MLF1: variants seen among roughly 807,000 people sequenced by gnomAD.
MLF1 encodes myelodysplasia-myeloid leukemia factor 1.
MLF1 carries 37 observed loss-of-function variants against 38.3 expected under a neutral mutation model. The observed-to-expected ratio is 0.96, with a 90% CI of 0.74 to 1.27. The LOEUF (loss-of-function observed/expected upper bound fraction) is 1.27. Among genes scored for constraint, MLF1 ranks in the 50% most tolerant of loss-of-function variants. The pLI, the probability that MLF1 is intolerant of heterozygous loss-of-function variation, is 0.00. For missense variants in MLF1, 331 were observed against 349.2 expected, an observed-to-expected ratio of 0.95 and a Z score of 0.42; for synonymous variants, 95 against 106.5, an observed-to-expected ratio of 0.89 and a Z score of 0.66.
At chr3:158,576,534 C>G (rs1434493652) in intron 1 of MLF1, among the ~76,000 whole-genome samples, 7 of 152,090 alleles carry the variant, frequency 4.6e-5, no homozygotes, top group Non-Finnish European at 1.0e-4. Flanking sequence ...TGATACGAAA[C>G]AGGAACTGTG....
At chr3:158,592,719 G>C in intron 2 of MLF1, 138 bp downstream of exon 2, 2 of 706,904 alleles carry the variant, frequency 2.8e-6, no homozygotes, top group Non-Finnish European at 4.3e-6. Context: ...TAAAAGGGGG[G>C]ACCTTTGGAA....
chr3:158,592,767 A>G (rs369419713), intron 2 of MLF1, among the ~76,000 whole-genome samples, 186 bp downstream of exon 2: 4 of 152,286 alleles, frequency 2.6e-5, no homozygotes, highest in East Asian at 1.9e-4. Context: ...GCTATATGGA[A>G]TTTCACTGTG....
intron 1 of MLF1, among the ~76,000 whole-genome samples, chr3:158,578,665 G>C (rs1293282852): frequency 6.6e-6 from 1 of 152,058 alleles, no homozygotes; most frequent in East Asian, 1.9e-4. Flanking sequence ...AAATAATATA[G>C]AATAGAAAAA....
At chr3:158,577,084 A>G (rs948691913) in intron 1 of MLF1, among the ~76,000 whole-genome samples, 4 of 152,236 alleles carry the variant, frequency 2.6e-5, no homozygotes, top group Admixed American at 2.0e-4. Context: ...GCATATATTC[A>G]CAGGATGTTA....
chr3:158,575,964 A>G (rs1715358182), intron 1 of MLF1, among the ~76,000 whole-genome samples: 1 of 152,218 alleles, frequency 6.6e-6, no homozygotes, highest in Non-Finnish European at 1.5e-5. Flanking sequence ...ATATAAAAAT[A>G]GAATTACTAG....
rs1477261679 is a variant in MLF1, at chr3:158,596,903, G to A, written c.282G>A (p.Val94=). The change falls in exon 4 of 8, where the codon GTG becomes GTA. Residue 94 remains valine (V), a synonymous_variant. Transcript: ENST00000466246. The part of the protein sequence containing the change: ...VSSFQTMDQM[V]SNMRNYMQKL... ...CTTTCCAGACAATGGACCAAATGGT[G>A]TCAAATATGAGAAACTATATGCAGA... 3.1e-6 allele frequency: 5 copies of A among 1,609,832 alleles called. No homozygotes were observed. Among genetic ancestry groups the A allele is most frequent in the Admixed American group, 1.7e-5 (1 of 59,792 alleles).
chr3:158,580,848 G>T (rs1716235270), intron 1 of MLF1, among the ~76,000 whole-genome samples: 1 of 151,910 alleles, frequency 6.6e-6, no homozygotes, highest in South Asian at 2.1e-4. Context: ...CAGCTAAGGA[G>T]GCTGAGGTGG....
chr3:158,605,046 A>G (rs770738459), intron 7 of MLF1, 51 bp from the exon 8 acceptor site: 35 of 1,312,330 alleles, frequency 2.7e-5, no homozygotes, highest in Non-Finnish European at 3.8e-5. Context: ...TGATTTATAA[A>G]CCATTGGCCA....
At position 158,600,170 on chromosome 3, in the gene MLF1, G is replaced by A; in HGVS notation, c.610G>A (p.Glu204Lys). 4 of 1,420,404 alleles carry A rather than the reference G, an allele frequency of 2.8e-6. No homozygotes were observed. Among genetic ancestry groups the A allele is most frequent in the Non-Finnish European group, 3.7e-6 (4 of 1,082,098 alleles). The allele number at this position is 1,420,404 out of a possible 1,614,324, so 88.0% of individuals were successfully genotyped here. ...EVNQEFINMN[E>K]SDAHAFDEEW... ...CAACCAGGAGTTCATCAATATGAAT[G>A]AAAGTAAGTTATCACAAAAAAATAA... Residue 204 changes from glutamate (E) to lysine (K), a missense_variant, in exon 6 of 8, where the codon GAA (glutamate) becomes AAA (lysine). Transcript: ENST00000466246.
chr3:158,594,879 G>A (rs567971613), intron 3 of MLF1, among the ~76,000 whole-genome samples: 5 of 152,114 alleles, frequency 3.3e-5, no homozygotes, highest in Admixed American at 2.6e-4. Flanking sequence ...AGTTTTGGAT[G>A]TTTGGCATTT....
intron 6 of MLF1, among the ~76,000 whole-genome samples, chr3:158,601,425 G>A (rs1229129331): frequency 4.6e-5 from 7 of 152,006 alleles, no homozygotes; most frequent in South Asian, 2.1e-4. Context: ...AAAATTAGCC[G>A]GGCATGGTGG....
intron 1 of MLF1, among the ~76,000 whole-genome samples, chr3:158,588,557 C>A (rs1378081458): frequency 6.9e-6 from 1 of 145,736 alleles, no homozygotes. Flanking sequence ...GCCGAGATCG[C>A]GCCACTGCAC....
chr3:158,578,148 C>A (rs1313158624), intron 1 of MLF1, among the ~76,000 whole-genome samples: 1 of 152,070 alleles, frequency 6.6e-6, no homozygotes, highest in Non-Finnish European at 1.5e-5. Flanking sequence ...ATAGACCAGT[C>A]TACCTCATTG....
chr3:158,572,639 C>T (rs1342191145), intron 1 of MLF1, among the ~76,000 whole-genome samples: 4 of 58,764 alleles, frequency 6.8e-5, no homozygotes, highest in Non-Finnish European at 1.3e-4. Flanking sequence ...GGTAGTGGGA[C>T]GAGGGAGGGT....
chr3:158,588,612 A>C (rs868211920), intron 1 of MLF1, among the ~76,000 whole-genome samples: 30,626 of 131,092 alleles, frequency 0.23, 4,367 homozygotes, highest in African/African-American at 0.41. Context: ...AAAAAAAAAA[A>C]AAAAAAAAAA....
At chr3:158,586,814 T>C (rs1717316812) in intron 1 of MLF1, among the ~76,000 whole-genome samples, 1 of 152,096 alleles carries the variant, frequency 6.6e-6, no homozygotes, top group African/African-American at 2.4e-5. Flanking sequence ...AATGTGGAAA[T>C]AAGGTTTCAA....
chr3:158,605,795 T>G lies in MLF1; in HGVS notation c.*593T>G, dbSNP rs1720432379. ...TAGTTCATTTTCAGAGAAAAATATT[T>G]TAAATTGCTAATGTACATGATTGTT... On this transcript the variant is annotated 3_prime_UTR_variant, in exon 8 of 8. Transcript: ENST00000466246. The G allele has an allele frequency of 5.6e-6, 1 of 180,116 alleles. No individual in the cohort carries two copies. Among genetic ancestry groups the G allele is most frequent in the Admixed American group, 6.3e-5 (1 of 15,890 alleles). The allele number at this position is 180,116 out of a possible 1,614,324, so 11.2% of individuals were successfully genotyped here. A position where few individuals can be genotyped will look rare whatever the true frequency, so the allele number is the denominator to read the frequency against.
At chr3:158,602,062 C>T (rs1719869469) in intron 6 of MLF1, among the ~76,000 whole-genome samples, 8 of 152,018 alleles carry the variant, frequency 5.3e-5, no homozygotes, top group Admixed American at 5.2e-4. Context: ...GTGATCCGCC[C>T]ACCTCAGCCT....
At chr3:158,594,451 C>T (rs927032872) in intron 3 of MLF1, among the ~76,000 whole-genome samples, 1 of 138,036 alleles carries the variant, frequency 7.2e-6, no homozygotes, top group Non-Finnish European at 1.5e-5. Flanking sequence ...GAAGAGGTAA[C>T]CAGAGACTTC....
Sources: allele counts gnomAD v4.1 joint callset (sites outside exome capture counted in the v4.1 genomes callset), GRCh38; gene constraint gnomAD v4.1.1; transcripts MANE v1.5; gene names NCBI Gene and HGNC (gene_info 2026-07-23, HGNC 2026-07-21).